ZNF765: variants seen among roughly 807,000 people sequenced by gnomAD.
ZNF765 encodes zinc finger protein 765.
In ZNF765, 37 loss-of-function variants were observed where a neutral mutation model predicts 44.7. The ratio of observed to expected loss-of-function variants is 0.83; its 90% CI spans 0.64 to 1.09. The LOEUF (loss-of-function observed/expected upper bound fraction) is 1.09. Ranked by LOEUF, ZNF765 falls within the 50% of genes least tolerant of loss-of-function variation. The probability of loss-of-function intolerance (pLI) is 0.00; values close to 1 mark genes in which losing one functional copy is unlikely to be tolerated. For missense variants in ZNF765, 594 were observed against 626.1 expected, an observed-to-expected ratio of 0.95 and a Z score of 0.55; for synonymous variants, 201 against 213.7, an observed-to-expected ratio of 0.94 and a Z score of 0.52.
chr19:53,398,748 T>A (rs2085694549), intron 2 of ZNF765, among the ~76,000 whole-genome samples: 1 of 152,158 alleles, frequency 6.6e-6, no homozygotes, highest in African/African-American at 2.4e-5. Context: ...TATATTATGA[T>A]AATATTATTA....
At chr19:53,399,161 T>C (rs1422868733) in intron 2 of ZNF765, among the ~76,000 whole-genome samples, 2 of 151,980 alleles carry the variant, frequency 1.3e-5, no homozygotes, top group African/African-American at 4.8e-5. Flanking sequence ...TGTATACATG[T>C]GCCATATTGG....
chr19:53,409,113 A>T lies in ZNF765; in HGVS notation c.1558A>T (p.Lys520Ter), dbSNP rs528973070. The change falls in exon 4 of 4, where the codon AAA becomes TAA. Residue 520 changes from lysine to a stop codon, truncating the protein, a stop_gained. Transcript: ENST00000396408. LOFTEE classifies it high-confidence loss of function. The stretch of plus-strand genomic sequence containing the variant: ...ACATAGGAGAATTTATACTGGAGAG[A>T]AACTACACGTGTAATGAGTGTGGTA... ...ERHRRIYTGE[K>*]LHV The T allele has an allele frequency of 1.2e-6, 2 of 1,613,328 alleles. No homozygotes were observed. Among genetic ancestry groups the T allele is most frequent in the African/African-American group, 2.7e-5 (2 of 75,000 alleles).
At chr19:53,407,428 G>A (rs1031916124) in intron 3 of ZNF765, among the ~76,000 whole-genome samples, 9 of 152,132 alleles carry the variant, frequency 5.9e-5, no homozygotes, top group Non-Finnish European at 8.8e-5. Context: ...GGGTCACGAT[G>A]GAAAAATATT....
At chr19:53,398,589 T>A (rs904201491) in intron 2 of ZNF765, among the ~76,000 whole-genome samples, 14 of 152,334 alleles carry the variant, frequency 9.2e-5, no homozygotes, top group South Asian at 2.1e-4. Flanking sequence ...TTATTCCGTC[T>A]TTATTTTAAG....
Position 53,409,887 on chromosome 19 carries a change from A to C in ZNF765, c.*760A>C, listed in dbSNP as rs1210811194. The C allele has an allele frequency of 4.6e-6, 3 of 649,208 alleles. No homozygotes were observed. Among genetic ancestry groups the C allele is most frequent in the Non-Finnish European group, 8.9e-6 (3 of 336,310 alleles). 40.2% of individuals were successfully genotyped at this position (649,208 alleles called of 1,614,324 possible). ...CCTTACAAGGATAATGAGTGTAGAA[A>C]AACCTTTCATGGGCAGTCAGCATTT... On this transcript the variant is annotated 3_prime_UTR_variant, in exon 4 of 4. Coordinates refer to ENST00000396408, the MANE Select transcript of ZNF765 (RefSeq NM_001040185.3).
intron 3 of ZNF765, among the ~76,000 whole-genome samples, chr19:53,402,509 C>T (rs1246508936): frequency 4.6e-5 from 7 of 152,130 alleles, no homozygotes; most frequent in Middle Eastern, 3.4e-3. Context: ...ATCCACACAC[C>T]TCGGCCTCCC....
Position 53,402,114 on chromosome 19 carries a change from G to A in ZNF765, c.65G>A (p.Trp22Ter), listed in dbSNP as rs1324863511. The A allele has an allele frequency of 1.2e-5, 19 of 1,613,886 alleles. No homozygotes were observed. The highest frequency in any genetic ancestry group is 1.5e-5 in the Non-Finnish European group (18 of 1,179,970). ...DVAIEFSQEE[W>*]KCLDPAQRTL... is the part of the protein sequence containing the mutation. ...GCCATAGAATTCTCTCAGGAGGAGT[G>A]GAAATGCCTGGACCCTGCTCAGAGG... Residue 22 changes from tryptophan to a stop codon, truncating the protein, a stop_gained, in exon 3 of 4, where the codon TGG (tryptophan) becomes TAG (stop). Coordinates refer to ENST00000396408, the MANE Select transcript of ZNF765 (RefSeq NM_001040185.3). LOFTEE classifies it high-confidence loss of function.
chr19:53,417,542 T>A (rs983237542), intron 3 of ZNF765, among the ~76,000 whole-genome samples: 1 of 152,220 alleles, frequency 6.6e-6, no homozygotes, highest in African/African-American at 2.4e-5. Context: ...ATGGGCATTT[T>A]GGTTGACTTC....
At chr19:53,402,720 G>A (rs546311827) in intron 3 of ZNF765, among the ~76,000 whole-genome samples, 1 of 152,094 alleles carries the variant, frequency 6.6e-6, no homozygotes, top group Admixed American at 6.6e-5. Flanking sequence ...CCACCATGTC[G>A]GGCAACTTTT....
Position 53,409,436 on chromosome 19 carries a change from C to T in ZNF765, c.*309C>T, listed in dbSNP as rs1462262877. 1 of 856,854 alleles carries T rather than the reference C, an allele frequency of 1.2e-6. No individual in the cohort carries two copies. Among genetic ancestry groups the T allele is most frequent in the East Asian group, 2.4e-5 (1 of 40,904 alleles). 53.1% of individuals were successfully genotyped at this position (856,854 alleles called of 1,614,324 possible). On this transcript the variant is annotated 3_prime_UTR_variant, in exon 4 of 4. Transcript: ENST00000396408. ...CTTGAAAGACATAGGAGAATTCACACTGGTGAGAAACCTTACAGGTGTAAT... is the reference window on the plus strand; with the variant it reads ...CTTGAAAGACATAGGAGAATTCACATTGGTGAGAAACCTTACAGGTGTAAT...
exon 4 of ZNF765, chr19:53,427,042 T>TA (rs1016477108): frequency 7.3e-6 from 1 of 137,486 alleles, no homozygotes; most frequent in Non-Finnish European, 1.5e-5. Flanking sequence ...TCAGGATCTC[T>TA]AAAACCCTCT....
intron 2 of ZNF765, 170 bp from the exon 3 acceptor site, chr19:53,401,895 T>C (rs1426962201): frequency 4.5e-6 from 7 of 1,554,906 alleles, no homozygotes; most frequent in Non-Finnish European, 6.1e-6. Context: ...AAAAAAGAAC[T>C]TTAGTAAACA....
rs1260200113 is a variant in ZNF765 at position 53,409,639 on chromosome 19, C to T, written c.*512C>T. ...TACAAGTGTAATGAGTGTGGCAAGACCTTTAGTCAGAACTCATACCTTACA... is the reference window on the plus strand; with the variant it reads ...TACAAGTGTAATGAGTGTGGCAAGATCTTTAGTCAGAACTCATACCTTACA... On this transcript the variant is annotated 3_prime_UTR_variant, in exon 4 of 4. Coordinates refer to ENST00000396408, the MANE Select transcript of ZNF765 (RefSeq NM_001040185.3). The T allele has an allele frequency of 5.0e-6, 7 of 1,408,970 alleles. No individual in the cohort carries two copies. The African/African-American group carries it at 9.9e-5, about 20-fold the overall frequency. The allele number at this position is 1,408,970 out of a possible 1,614,324, so 87.3% of individuals were successfully genotyped here. A position where few individuals can be genotyped will look rare whatever the true frequency, so the allele number is the denominator to read the frequency against.
intron 2 of ZNF765, chr19:53,401,849 C>T: frequency 3.1e-6 from 4 of 1,275,766 alleles, no homozygotes; most frequent in South Asian, 2.5e-5. Flanking sequence ...GCACTCCAGG[C>T]TGGGCAACAG....
intron 3 of ZNF765, among the ~76,000 whole-genome samples, chr19:53,422,720 T>A (rs113984791): frequency 3.4e-4 from 52 of 152,078 alleles, no homozygotes; most frequent in Non-Finnish European, 6.6e-4. Flanking sequence ...GCTGCCTTTT[T>A]AATGTCACTC....
At chr19:53,398,532 A>G (rs1245931417) in intron 2 of ZNF765, among the ~76,000 whole-genome samples, 1 of 152,170 alleles carries the variant, frequency 6.6e-6, no homozygotes, top group African/African-American at 2.4e-5. Context: ...CTATCTTACT[A>G]ATTAGAATGG....
chr19:53,416,662 T>C (rs1253358302), downstream of ZNF765, among the ~76,000 whole-genome samples: 1 of 150,840 alleles, frequency 6.6e-6, no homozygotes, highest in Admixed American at 6.6e-5. Context: ...TGTAATACTC[T>C]ATTTTACATA....
At chr19:53,398,349 G>C (rs1209053191) in intron 2 of ZNF765, among the ~76,000 whole-genome samples, 2 of 152,182 alleles carry the variant, frequency 1.3e-5, no homozygotes, top group Non-Finnish European at 2.9e-5. Flanking sequence ...TGGATGCTCT[G>C]TCAGCTCTCT....
intron 3 of ZNF765, among the ~76,000 whole-genome samples, chr19:53,421,124 C>G (rs748703707): frequency 1.3e-5 from 2 of 152,152 alleles, no homozygotes; most frequent in African/African-American, 2.4e-5. Flanking sequence ...GACATGCTGG[C>G]GGCAATACTG....
Sources: allele counts gnomAD v4.1 joint callset (sites outside exome capture counted in the v4.1 genomes callset), GRCh38; gene constraint gnomAD v4.1.1; transcripts MANE v1.5; gene names NCBI Gene and HGNC (gene_info 2026-07-23, HGNC 2026-07-21).